Variants in SCUBE2 observed in about 807,000 individuals in gnomAD.
The protein encoded by SCUBE2 is signal peptide, CUB domain and EGF like domain containing 2.
In SCUBE2, 114 loss-of-function variants were observed where a neutral mutation model predicts 125.9. The ratio of observed to expected loss-of-function variants is 0.91; its 90% CI spans 0.78 to 1.06. The LOEUF (loss-of-function observed/expected upper bound fraction) is 1.06, where lower values mean the gene tolerates loss of function less well. Ranked by LOEUF, SCUBE2 falls within the 50% of genes least tolerant of loss-of-function variation. The probability of loss-of-function intolerance (pLI) is 0.00; values close to 1 mark genes in which losing one functional copy is unlikely to be tolerated. For missense variants in SCUBE2, 1,255 were observed against 1,301.8 expected (o/e 0.96, Z 0.55); for synonymous variants, 459 against 492.9 (o/e 0.93, Z 0.91).
intron 21 of SCUBE2, among the ~76,000 whole-genome samples, chr11:9,024,567 C>T (rs1855565099): frequency 6.6e-6 from 1 of 152,204 alleles, no homozygotes; most frequent in East Asian, 1.9e-4. Context: ...GCCCTGAAGG[C>T]TCTTCACAGC....
chr11:9,056,550 T>C (rs1382243141), intron 9 of SCUBE2, among the ~76,000 whole-genome samples: 1 of 152,198 alleles, frequency 6.6e-6, no homozygotes, highest in Non-Finnish European at 1.5e-5. Flanking sequence ...GCCGATGCCT[T>C]GGTTTTGCTC....
At chr11:9,054,736 T>A (rs1280912963) in intron 10 of SCUBE2, among the ~76,000 whole-genome samples, 56 of 104,538 alleles carry the variant, frequency 5.4e-4, no homozygotes, top group African/African-American at 6.8e-4. Flanking sequence ...TTTTTTTTTT[T>A]TTTTTTTTTT....
Position 9,089,890 on chromosome 11 carries a change from G to A in SCUBE2, c.134-61C>T, listed in dbSNP as rs191252612. The A allele has an allele frequency of 5.4e-5, 86 of 1,579,038 alleles. 1 individual carries two copies. The African/African-American group carries it at 6.7e-4, about 12-fold the overall frequency. ...CCCAGGCCATGTGTGATCTGGCCTC[G>A]GCCCTGTCTGGCATCATCCTCACCA... On this transcript the variant is annotated intron_variant, in intron 1 of 22. Transcript: ENST00000649792.
At chr11:9,054,727 T>A (rs867027019) in intron 10 of SCUBE2, among the ~76,000 whole-genome samples, 277 of 35,688 alleles carry the variant, frequency 7.8e-3, no homozygotes, top group Non-Finnish European at 9.3e-3. Flanking sequence ...ATATATATAT[T>A]TTTTTTTTTT....
At chr11:9,079,619 C>T (rs1861473211) in intron 2 of SCUBE2, 110 bp from the exon 3 acceptor site, 1 of 1,146,998 alleles carries the variant, frequency 8.7e-7, no homozygotes. Flanking sequence ...AAAATACATC[C>T]CTAACAATAG....
chr11:9,086,752 T>C (rs1304185909), intron 2 of SCUBE2, among the ~76,000 whole-genome samples: 1 of 150,076 alleles, frequency 6.7e-6, no homozygotes, highest in Non-Finnish European at 1.5e-5. Flanking sequence ...ACTAGGGAGG[T>C]TGAAGCAGGA....
chr11:9,083,700 G>T (rs182440108), intron 2 of SCUBE2, among the ~76,000 whole-genome samples: 2 of 151,790 alleles, frequency 1.3e-5, no homozygotes, highest in Non-Finnish European at 2.9e-5. Flanking sequence ...GATTACAGGC[G>T]TGCTGTAATT....
rs75002200 is a variant in SCUBE2 at position 9,021,971 on chromosome 11, A to G, written c.2855-16T>C. The G allele has an allele frequency of 0.029, 46,920 of 1,594,550 alleles. 829 individuals are homozygous for G. The highest frequency in any genetic ancestry group is 0.035 in the Non-Finnish European group (40,811 of 1,162,216). Reference sequence around the variant, plus strand: ...TGGTAGTCCTCTGTTGGAATAAAGAACATGTTTTGCATTCTTATGATTTAG... The same window carrying G: ...TGGTAGTCCTCTGTTGGAATAAAGAGCATGTTTTGCATTCTTATGATTTAG... On this transcript the variant is annotated splice_polypyrimidine_tract_variant and intron_variant, in intron 21 of 22. Coordinates refer to ENST00000649792, the MANE Select transcript of SCUBE2 (RefSeq NM_001367977.2).
intron 20 of SCUBE2, chr11:9,026,220 A>T (rs1444249683): frequency 5.9e-6 from 1 of 169,926 alleles, no homozygotes; most frequent in African/African-American, 2.4e-5. Context: ...CAATTTATGG[A>T]CTTTGTCTCA....
chr11:9,069,980 T>G (rs909131140), intron 4 of SCUBE2, among the ~76,000 whole-genome samples: 1 of 152,178 alleles, frequency 6.6e-6, no homozygotes, highest in African/African-American at 2.4e-5. Context: ...CCCACCCTTC[T>G]GAGGTGAGTG....
At position 9,021,061 on chromosome 11, in the gene SCUBE2, A is replaced by T. The variant is rs771588295; in HGVS notation, c.3071T>A (p.Leu1024Ter). 6.2e-7 allele frequency: 1 copy of T among 1,613,086 alleles called. No individual in the cohort carries two copies. Among genetic ancestry groups the T allele is most frequent in the Non-Finnish European group, 8.5e-7 (1 of 1,179,530 alleles). The change falls in exon 23 of 23, where the codon TTG becomes TAG. Residue 1024 changes from leucine to a stop codon, truncating the protein, a stop_gained. Coordinates refer to ENST00000649792, the MANE Select transcript of SCUBE2 (RefSeq NM_001367977.2). LOFTEE classifies it high-confidence loss of function. ...RLLRSKVSRF[L>*]RPYK ...TGGGCTGAGTCATTTGTAAGGTCTC[A>T]AAAACCTGGACACTTTGGAACGTAG...
At chr11:9,032,335 G>T (rs1418193220) in intron 17 of SCUBE2, among the ~76,000 whole-genome samples, 1 of 152,008 alleles carries the variant, frequency 6.6e-6, no homozygotes, top group Non-Finnish European at 1.5e-5. Flanking sequence ...TGTTGCCCAG[G>T]CTGGTCTTAG....
At chr11:9,039,672 G>A (rs1247639299) in intron 16 of SCUBE2, among the ~76,000 whole-genome samples, 2 of 152,092 alleles carry the variant, frequency 1.3e-5, no homozygotes, top group South Asian at 2.1e-4. Flanking sequence ...AGAAACAAAC[G>A]AAGCTCCTCT....
At chr11:9,055,729 G>T in intron 10 of SCUBE2, 64 bp downstream of exon 10, 1 of 1,279,308 alleles carries the variant, frequency 7.8e-7, no homozygotes, top group Non-Finnish European at 1.1e-6. Flanking sequence ...CTCAGGGGTA[G>T]GCCCTGCTCC....
At chr11:9,054,008 T>C (rs949613182) in intron 10 of SCUBE2, among the ~76,000 whole-genome samples, 2 of 149,260 alleles carry the variant, frequency 1.3e-5, no homozygotes, top group African/African-American at 5.0e-5. Flanking sequence ...TTTTTTTTTT[T>C]TTTTTGAGAT....
chr11:9,031,589 C>T (rs191373151), intron 17 of SCUBE2, among the ~76,000 whole-genome samples: 5 of 151,890 alleles, frequency 3.3e-5, no homozygotes, highest in Non-Finnish European at 4.4e-5. Context: ...ATTTGCACCA[C>T]GGCACTCCAG....
chr11:9,062,446 C>CA (rs920387548), intron 7 of SCUBE2, among the ~76,000 whole-genome samples: 4 of 152,200 alleles, frequency 2.6e-5, no homozygotes, highest in African/African-American at 9.6e-5. Context: ...ATGAAGCCCA[C>CA]AAATCAATAG....
chr11:9,022,017 T>C (rs761241578), intron 21 of SCUBE2, 62 bp from the exon 22 acceptor site: 8 of 1,249,730 alleles, frequency 6.4e-6, no homozygotes, highest in Non-Finnish European at 9.4e-6. Context: ...ACTCACTCTT[T>C]CACTTTTTGA....
At chr11:9,058,333 C>T (rs1221529547) in intron 9 of SCUBE2, among the ~76,000 whole-genome samples, 5 of 152,080 alleles carry the variant, frequency 3.3e-5, no homozygotes, top group Admixed American at 2.6e-4. Flanking sequence ...CGCAGTGGCT[C>T]ACACCTGTAA....
Sources: allele counts gnomAD v4.1 joint callset (sites outside exome capture counted in the v4.1 genomes callset), GRCh38; gene constraint gnomAD v4.1.1; transcripts MANE v1.5; gene names NCBI Gene and HGNC (gene_info 2026-07-23, HGNC 2026-07-21).